Variants in CERS3 observed in about 807,000 individuals in gnomAD.
CERS3 encodes the protein LAG1 homolog, ceramide synthase 3.
Under a neutral mutation model 50.3 loss-of-function variants are expected in CERS3, and 33 were observed. The ratio of observed to expected loss-of-function variants is 0.66; its 90% CI spans 0.50 to 0.88. CERS3 has a LOEUF of 0.88. Among genes scored for constraint, CERS3 ranks in the 40% least tolerant of loss-of-function variants. The pLI is 0.00. For missense variants in CERS3, 470 were observed against 460.3 expected (o/e 1.02, Z -0.19); for synonymous variants, 176 against 155.2 (o/e 1.13, Z -0.99).
chr15:100,525,664 G>T (rs182084580), intron 1 of CERS3, among the ~76,000 whole-genome samples: 89 of 152,250 alleles, frequency 5.8e-4, no homozygotes, highest in Middle Eastern at 3.4e-3. Flanking sequence ...CCGTTCACTT[G>T]CCAATTGGGG....
intron 3 of CERS3, among the ~76,000 whole-genome samples, chr15:100,499,523 C>T (rs1171574418): frequency 6.6e-6 from 1 of 152,140 alleles, no homozygotes; most frequent in East Asian, 1.9e-4. Flanking sequence ...TAGGAAGAAA[C>T]ATTAATTTCT....
At chr15:100,481,990 T>G (rs2035316222) in intron 5 of CERS3, among the ~76,000 whole-genome samples, 2 of 152,226 alleles carry the variant, frequency 1.3e-5, no homozygotes, top group Non-Finnish European at 2.9e-5. Context: ...TGCGCTTGTG[T>G]AGTCTCCTGT....
At chr15:100,469,182 A>G (rs973583762) in intron 10 of CERS3, among the ~76,000 whole-genome samples, 196 bp downstream of exon 10, 4 of 152,232 alleles carry the variant, frequency 2.6e-5, no homozygotes, top group African/African-American at 4.8e-5. Context: ...TCCCGTTGTA[A>G]TAAGCCTTTT....
chr15:100,487,632 T>G (rs2035527293), intron 4 of CERS3, among the ~76,000 whole-genome samples: 1 of 152,176 alleles, frequency 6.6e-6, no homozygotes, highest in Admixed American at 6.5e-5. Context: ...AGAGGTCGAA[T>G]GGCCTAAAGG....
intron 11 of CERS3, among the ~76,000 whole-genome samples, chr15:100,425,111 C>G (rs2032726943): frequency 6.6e-6 from 1 of 152,232 alleles, no homozygotes; most frequent in Non-Finnish European, 1.5e-5. Context: ...CCTAGACATC[C>G]AGGCAGAAAT....
chr15:100,456,841 G>T (rs1373867102), intron 10 of CERS3, among the ~76,000 whole-genome samples: 1 of 152,028 alleles, frequency 6.6e-6, no homozygotes. Flanking sequence ...CAGCTACTGG[G>T]GAGGCTGAGG....
rs578181977 is a variant in CERS3 at position 100,489,376 on chromosome 15, C to T, written c.288+1441G>A. Among the ~76,000 whole-genome samples the T allele has an allele frequency of 4.6e-5, 7 of 152,206 alleles. No homozygotes were observed. The South Asian group carries it at 1.2e-3, about 27-fold the overall frequency. The stretch of plus-strand genomic sequence containing the variant: ...AATCATGAAAAAGAAAGACTACCAC[C>T]CTATAAACCTTTTCAGCTATCCTTA... On this transcript the variant is annotated intron_variant, in intron 4 of 11. Transcript: ENST00000679737.
intron 2 of CERS3, among the ~76,000 whole-genome samples, chr15:100,519,342 T>C (rs2036579876): frequency 1.3e-5 from 2 of 152,072 alleles, no homozygotes; most frequent in Non-Finnish European, 2.9e-5. Context: ...CTGGGTGCTG[T>C]GTGAGGGGAT....
intron 11 of CERS3, among the ~76,000 whole-genome samples, chr15:100,422,724 G>A (rs879637542): frequency 1.9e-3 from 200 of 104,342 alleles, no homozygotes; most frequent in Non-Finnish European, 3.0e-3. Flanking sequence ...AGAAAATGTG[G>A]CACATATACA....
chr15:100,470,817 C>A (rs191652222), intron 9 of CERS3, among the ~76,000 whole-genome samples: 2 of 152,022 alleles, frequency 1.3e-5, no homozygotes, highest in East Asian at 1.9e-4. Flanking sequence ...AGGTCACTTA[C>A]GAGTGAGAGT....
chr15:100,404,478 C>T (rs1336801790), intron 11 of CERS3, among the ~76,000 whole-genome samples: 1 of 152,050 alleles, frequency 6.6e-6, no homozygotes, highest in Non-Finnish European at 1.5e-5. Context: ...TCAAAGAAGA[C>T]CTAAATAGTT....
intron 2 of CERS3, among the ~76,000 whole-genome samples, chr15:100,519,277 T>G (rs1047182504): frequency 6.6e-6 from 1 of 151,914 alleles, no homozygotes; most frequent in African/African-American, 2.4e-5. Context: ...GGACTTGGAG[T>G]TGAAGTGACC....
At chr15:100,530,081 A>G (rs2036901699), upstream of CERS3, among the ~76,000 whole-genome samples, 1 of 152,182 alleles carries the variant, frequency 6.6e-6, no homozygotes, top group African/African-American at 2.4e-5. Flanking sequence ...TCTGTTTTTC[A>G]GTAATGGGCT....
chr15:100,527,050 T>C (rs1175952247), intron 1 of CERS3, among the ~76,000 whole-genome samples: 1 of 152,038 alleles, frequency 6.6e-6, no homozygotes, highest in Non-Finnish European at 1.5e-5. Flanking sequence ...TCCTAGTACA[T>C]TGGGAGGCTG....
chr15:100,491,742 TAA>T (rs1449376153), intron 3 of CERS3, among the ~76,000 whole-genome samples: 2 of 152,170 alleles, frequency 1.3e-5, no homozygotes, highest in Non-Finnish European at 2.9e-5. Context: ...TGTATTCTAT[TAA>T]GTTTTAGTAT....
intron 11 of CERS3, among the ~76,000 whole-genome samples, chr15:100,444,417 C>T (rs566189576): frequency 6.6e-6 from 1 of 152,250 alleles, no homozygotes; most frequent in East Asian, 1.9e-4. Flanking sequence ...TCTGATCCAC[C>T]TGACGTTCAC....
At chr15:100,509,177 G>A (rs563220292) in intron 2 of CERS3, among the ~76,000 whole-genome samples, 1 of 152,292 alleles carries the variant, frequency 6.6e-6, no homozygotes, top group African/African-American at 2.4e-5. Context: ...AGAACCCAAT[G>A]TGTAAATGAA....
intron 11 of CERS3, among the ~76,000 whole-genome samples, chr15:100,414,190 G>A (rs980673447): frequency 2.0e-5 from 3 of 152,142 alleles, no homozygotes; most frequent in African/African-American, 4.8e-5. Context: ...TTGCTACAAA[G>A]AGAATAAAAT....
At chr15:100,499,652 A>C (rs1403775469) in intron 3 of CERS3, among the ~76,000 whole-genome samples, 1 of 152,222 alleles carries the variant, frequency 6.6e-6, no homozygotes, top group Non-Finnish European at 1.5e-5. Flanking sequence ...CAAAAGAAGG[A>C]AGCTTTGTTG....
Sources: allele counts gnomAD v4.1 joint callset (sites outside exome capture counted in the v4.1 genomes callset), GRCh38; gene constraint gnomAD v4.1.1; transcripts MANE v1.5; gene names NCBI Gene and HGNC (gene_info 2026-07-23, HGNC 2026-07-21).